Variants in ELOVL6 observed in about 807,000 individuals in gnomAD.
The protein encoded by ELOVL6 is ELOVL fatty acid elongase 6.
In ELOVL6, 8 loss-of-function variants were observed where a neutral mutation model predicts 31.7. The observed-to-expected ratio is 0.25, with a 90% confidence interval of 0.15 to 0.45. The LOEUF is 0.45. Among genes scored for constraint, ELOVL6 ranks in the 20% least tolerant of loss-of-function variants. ELOVL6 has a pLI of 1.00. For missense variants in ELOVL6, 126 were observed against 326.4 expected (o/e 0.39, Z 4.73); for synonymous variants, 101 against 117.7 (o/e 0.86, Z 0.92).
At chr4:110,094,546 G>A (rs1475893279) in intron 2 of ELOVL6, among the ~76,000 whole-genome samples, 1 of 148,034 alleles carries the variant, frequency 6.8e-6, no homozygotes, top group Admixed American at 6.9e-5. Context: ...GGTGAGGAGT[G>A]TTCTGGGCAA....
Position 110,186,803 on chromosome 4 carries a change from CAAAAA to C in ELOVL6, c.89+11439_89+11443del, listed in dbSNP as rs397994948. On this transcript the variant is annotated intron_variant, in intron 1 of 3. Coordinates refer to ENST00000302274, the MANE Select transcript of ELOVL6 (RefSeq NM_024090.3). Reference sequence around the variant, plus strand: ...TAGGTAACAGAACGAGACTCTGTCTCAAAAAAAAAAAAAAAAAAAATATATATATA... The same window carrying C: ...TAGGTAACAGAACGAGACTCTGTCTCAAAAAAAAAAAAAAATATATATATA... 4.9e-3 allele frequency among the ~76,000 whole-genome samples: 403 copies of C among 82,530 alleles called. 3 individuals are homozygous for C. The highest frequency in any genetic ancestry group is 0.019 in the African/African-American group (368 of 19,682). The allele number at this position is 82,530 out of a possible 152,430, so 54.1% of individuals were successfully genotyped here. A position where few individuals can be genotyped will look rare whatever the true frequency, so the allele number is the denominator to read the frequency against.
intron 1 of ELOVL6, among the ~76,000 whole-genome samples, chr4:110,186,845 T>TATA (rs1578289064): frequency 1.6e-5 from 2 of 124,396 alleles, no homozygotes; most frequent in South Asian, 2.6e-4. Context: ...ATATATATAT[T>TATA]TATATATATA....
At chr4:110,180,660 C>T (rs1759244884) in intron 1 of ELOVL6, among the ~76,000 whole-genome samples, 1 of 152,206 alleles carries the variant, frequency 6.6e-6, no homozygotes, top group African/African-American at 2.4e-5. Flanking sequence ...GGCCTCACGG[C>T]CTCAGCCTCC....
chr4:110,076,139 G>A (rs1351698963), intron 2 of ELOVL6, among the ~76,000 whole-genome samples: 1 of 152,212 alleles, frequency 6.6e-6, no homozygotes, highest in African/African-American at 2.4e-5. Flanking sequence ...CATCCTGACA[G>A]ACAGATGTGA....
At chr4:110,198,151 C>G in intron 1 of ELOVL6, 96 bp downstream of exon 1, 1 of 790,138 alleles carries the variant, frequency 1.3e-6, no homozygotes, top group Non-Finnish European at 2.2e-6. Context: ...CGATTCATCG[C>G]TCCATTCACG....
chr4:110,071,656 C>T (rs1430085360), intron 2 of ELOVL6, among the ~76,000 whole-genome samples: 1 of 152,090 alleles, frequency 6.6e-6, no homozygotes, highest in African/African-American at 2.4e-5. Flanking sequence ...CAGTTTCCTC[C>T]ACCGCTCCCT....
At chr4:110,151,174 A>C (rs1758269430) in intron 1 of ELOVL6, among the ~76,000 whole-genome samples, 2 of 151,862 alleles carry the variant, frequency 1.3e-5, no homozygotes, top group Non-Finnish European at 2.9e-5. Context: ...AGTATCTTTT[A>C]TCCAAAATGC....
rs145682162 is a variant in ELOVL6, at chr4:110,157,532, G to A, written c.89+40715C>T. 6.0e-3 allele frequency among the ~76,000 whole-genome samples: 917 copies of A among 151,972 alleles called. 10 individuals carry two copies. The highest frequency in any genetic ancestry group is 0.021 in the African/African-American group (873 of 41,512). ...CTAAAAATGCAAAAATTAGCTGCACGTGGTGGCATGCACCTGTAGTCCCAG... is the reference window on the plus strand; with the variant it reads ...CTAAAAATGCAAAAATTAGCTGCACATGGTGGCATGCACCTGTAGTCCCAG... On this transcript the variant is annotated intron_variant, in intron 1 of 3. Coordinates refer to ENST00000302274, the MANE Select transcript of ELOVL6 (RefSeq NM_024090.3).
chr4:110,068,989 A>G (rs1003751842), intron 2 of ELOVL6, among the ~76,000 whole-genome samples: 8 of 152,038 alleles, frequency 5.3e-5, no homozygotes, highest in African/African-American at 1.9e-4. Context: ...TAAAAACACA[A>G]AAATTAGCTG....
chr4:110,090,602 T>TTTTTGTTTTTTTTTTG (rs1302403354), intron 2 of ELOVL6, among the ~76,000 whole-genome samples: 6 of 135,442 alleles, frequency 4.4e-5, no homozygotes, highest in African/African-American at 1.8e-4. Flanking sequence ...TTGACTTTCT[T>TTTTTGTTTTTTTTTTG]TTTTTTTTTT....
chr4:110,059,503 C>T (rs1397380869), intron 3 of ELOVL6, 100 bp downstream of exon 3: 9 of 1,318,502 alleles, frequency 6.8e-6, no homozygotes, highest in Non-Finnish European at 9.2e-6. Context: ...TTCTTGCAAC[C>T]AACAAAATAG....
intron 2 of ELOVL6, among the ~76,000 whole-genome samples, chr4:110,102,503 A>G (rs1395307492): frequency 6.6e-6 from 1 of 152,120 alleles, no homozygotes; most frequent in Non-Finnish European, 1.5e-5. Context: ...CAAAACAAAT[A>G]TAGAAACTAG....
In ELOVL6 at chr4:110,120,798, C is replaced by CTTT. The variant is rs1008949209; in HGVS notation, c.90-15173_90-15171dup. Among the ~76,000 whole-genome samples, 339 of 117,862 alleles carry CTTT rather than the reference C, an allele frequency of 2.9e-3. 7 individuals carry two copies. The highest frequency in any genetic ancestry group is 0.011 in the Middle Eastern group (2 of 174). 77.3% of individuals were successfully genotyped at this position (117,862 alleles called of 152,430 possible). A position where few individuals can be genotyped will look rare whatever the true frequency, so the allele number is the denominator to read the frequency against. The stretch of plus-strand genomic sequence containing the variant: ...CTGGTTCTTTTCTTTTTTTTCTTTT[C>CTTT]TTTTTTTTTTTTTTTTTTTTGAAAC... On this transcript the variant is annotated intron_variant, in intron 1 of 3. Transcript: ENST00000302274.
At chr4:110,064,667 T>A (rs1288984813) in intron 2 of ELOVL6, among the ~76,000 whole-genome samples, 3 of 151,982 alleles carry the variant, frequency 2.0e-5, no homozygotes, top group African/African-American at 7.2e-5. Context: ...ATTTTTTTTT[T>A]AATGAAAATG....
intron 1 of ELOVL6, among the ~76,000 whole-genome samples, chr4:110,148,104 G>A (rs1228970792): frequency 5.7e-5 from 8 of 139,452 alleles, no homozygotes; most frequent in East Asian, 2.0e-4. Context: ...AGCAAAACTC[G>A]GTCTCAAAAA....
rs1468632781 is a variant in ELOVL6, at chr4:110,049,899, AAAG to A, written c.*1436_*1438del. 1.4e-5 allele frequency: 2 copies of A among 147,718 alleles called. No homozygotes were observed. Among genetic ancestry groups the A allele is most frequent in the Non-Finnish European group, 3.0e-5 (2 of 67,076 alleles). The allele number at this position is 147,718 out of a possible 1,614,324, so 9.2% of individuals were successfully genotyped here. ...GAATATTATCCAGCTTTTTTTTTTT[AAAG>A]AATATGGCTCTTAATAAATTGATTT... On this transcript the variant is annotated 3_prime_UTR_variant, in exon 4 of 4. Transcript: ENST00000302274.
chr4:110,174,029 C>T (rs972939372), intron 1 of ELOVL6, among the ~76,000 whole-genome samples: 5 of 150,982 alleles, frequency 3.3e-5, no homozygotes, highest in Non-Finnish European at 5.9e-5. Context: ...GATAAATATT[C>T]GTTGGATAGA....
chr4:110,059,363 C>T (rs941796999), intron 3 of ELOVL6, among the ~76,000 whole-genome samples: 14 of 152,070 alleles, frequency 9.2e-5, no homozygotes, highest in African/African-American at 3.4e-4. Context: ...TAGTAGAGCT[C>T]GAAAATCAGC....
intron 3 of ELOVL6, among the ~76,000 whole-genome samples, chr4:110,054,581 C>G (rs1032521228): frequency 6.6e-6 from 1 of 152,202 alleles, no homozygotes; most frequent in Admixed American, 6.5e-5. Flanking sequence ...ATTCCAAACA[C>G]ATTATAATAA....
Sources: allele counts gnomAD v4.1 joint callset (sites outside exome capture counted in the v4.1 genomes callset), GRCh38; gene constraint gnomAD v4.1.1; transcripts MANE v1.5; gene names NCBI Gene and HGNC (gene_info 2026-07-23, HGNC 2026-07-21).